IGF1R: variants seen among roughly 807,000 people sequenced by gnomAD.
IGF1R encodes the protein insulin-like growth factor 1 receptor.
Under a neutral mutation model 144.6 loss-of-function variants are expected in IGF1R, and 44 were observed. The ratio of observed to expected loss-of-function variants is 0.30; its 90% CI spans 0.24 to 0.39. The LOEUF (loss-of-function observed/expected upper bound fraction) is 0.39, where lower values mean the gene tolerates loss of function less well. IGF1R is among the 10% of genes least tolerant of loss of function. The probability of loss-of-function intolerance (pLI) is 1.00; values close to 1 mark genes in which losing one functional copy is unlikely to be tolerated. For missense variants in IGF1R, 1,355 were observed against 1,833.7 expected, an observed-to-expected ratio of 0.74 and a Z score of 4.77; for synonymous variants, 795 against 722.8, an observed-to-expected ratio of 1.10 and a Z score of -1.60.
At position 98,963,425 on chromosome 15, in the gene IGF1R, A is replaced by C. The variant is rs535442746; in HGVS notation, c.*5983A>C. ...GAACCCTCTGGTTGGGAAGGGGATC[A>C]TTTTTTACTGGTCATTTCCCTTTGG... On this transcript the variant is annotated 3_prime_UTR_variant, in exon 21 of 21. Coordinates refer to ENST00000650285, the MANE Select transcript of IGF1R (RefSeq NM_000875.5). 4.3e-6 allele frequency: 1 copy of C among 233,226 alleles called. No individual in the cohort carries two copies. The highest frequency in any genetic ancestry group is 2.2e-5 in the African/African-American group (1 of 45,434). 14.4% of individuals were successfully genotyped at this position (233,226 alleles called of 1,614,324 possible). A position where few individuals can be genotyped will look rare whatever the true frequency, so the allele number is the denominator to read the frequency against.
At chr15:98,828,156 G>T (rs2056930239) in intron 2 of IGF1R, among the ~76,000 whole-genome samples, 1 of 152,204 alleles carries the variant, frequency 6.6e-6, no homozygotes, top group Non-Finnish European at 1.5e-5. Flanking sequence ...GAACAAGACT[G>T]CCCAGTTTGC....
intron 9 of IGF1R, chr15:98,916,372 A>AT (rs751309226): frequency 2.3e-5 from 13 of 556,214 alleles, no homozygotes; most frequent in Middle Eastern, 9.6e-4. Flanking sequence ...AGCATTTCTC[A>AT]TTCCCCAGCA....
intron 2 of IGF1R, among the ~76,000 whole-genome samples, chr15:98,888,354 C>G (rs2013739649): frequency 6.6e-6 from 1 of 151,862 alleles, no homozygotes; most frequent in African/African-American, 2.4e-5. Context: ...TTCTTTAGAT[C>G]TTGGACCTTG....
chr15:98,806,582 GTGTTAC>G (rs2056477099), intron 2 of IGF1R, among the ~76,000 whole-genome samples: 4 of 152,140 alleles, frequency 2.6e-5, no homozygotes, highest in Non-Finnish European at 5.9e-5. Context: ...TTTCTAATAG[GTGTTAC>G]CAGGACGCCT....
intron 2 of IGF1R, among the ~76,000 whole-genome samples, chr15:98,809,949 G>C (rs1384201238): frequency 6.6e-6 from 1 of 152,204 alleles, no homozygotes; most frequent in Non-Finnish European, 1.5e-5. Flanking sequence ...ACGGGGTTTG[G>C]CATGAGCTCA....
chr15:98,778,136 G>A (rs1184245436), intron 2 of IGF1R, among the ~76,000 whole-genome samples: 3 of 152,190 alleles, frequency 2.0e-5, no homozygotes, highest in African/African-American at 7.2e-5. Context: ...ACATGAGAGA[G>A]TGTTGGTGGA....
chr15:98,911,880 C>T lies in IGF1R; in HGVS notation c.1589+439C>T, dbSNP rs550517031. 2.0e-5 allele frequency among the ~76,000 whole-genome samples: 3 copies of T among 152,292 alleles called. No individual in the cohort carries two copies. In the South Asian group the frequency reaches 6.2e-4, roughly 32 times the overall value. On this transcript the variant is annotated intron_variant, in intron 7 of 20. Coordinates refer to ENST00000650285, the MANE Select transcript of IGF1R (RefSeq NM_000875.5). ...TTTGTATCATCTTATTCCTGTCTCT[C>T]TCTCTGTGTGCCTCTCCCAAGCTGT...
intron 20 of IGF1R, among the ~76,000 whole-genome samples, chr15:98,952,449 G>T (rs1324922642): frequency 6.6e-6 from 1 of 152,142 alleles, no homozygotes; most frequent in Non-Finnish European, 1.5e-5. Flanking sequence ...GGAGTAAGAG[G>T]TCTGATGACC....
chr15:98,939,243 C>A lies in IGF1R; in HGVS notation c.3340C>A (p.Gln1114Lys). ...LAPPSLSKMI[Q>K]MAGEIADGMA... is the part of the protein sequence containing the mutation. The stretch of plus-strand genomic sequence containing the variant: ...ACCTCCAAGCCTGAGCAAGATGATT[C>A]AGATGGCCGGAGAGATTGCAGACGG... The change falls in exon 18 of 21, where the codon CAG (glutamine) becomes AAG (lysine). Residue 1114 changes from glutamine (Q) to lysine (K), a missense_variant. By Grantham distance (53) the Gln-to-Lys change is moderately conservative. This residue lies in a region of IGF1R where 45 missense variants were observed against 43.5 expected (regional missense o/e 1.03). Transcript: ENST00000650285. 2.5e-6 allele frequency: 4 copies of A among 1,613,920 alleles called. 1 individual carries two copies. The South Asian group carries it at 4.4e-5, about 18-fold the overall frequency.
intron 19 of IGF1R, among the ~76,000 whole-genome samples, chr15:98,943,713 G>A (rs549537338): frequency 6.8e-4 from 104 of 152,358 alleles, no homozygotes; most frequent in Middle Eastern, 3.4e-3. Context: ...TACAACTGAG[G>A]TTATTGGCAG....
chr15:98,922,347 A>T lies in IGF1R; in HGVS notation c.2401A>T (p.Ile801Phe), dbSNP rs750036855. 6.2e-7 allele frequency: 1 copy of T among 1,614,220 alleles called. No homozygotes were observed. The highest frequency in any genetic ancestry group is 1.1e-5 in the South Asian group (1 of 91,090). The change falls in exon 11 of 21, where the codon ATC becomes TTC. Residue 801 changes from isoleucine to phenylalanine, a missense_variant. Around this residue, in one of 7 missense-constraint regions of IGF1R, gnomAD observed 880 missense variants for 1,202.7 expected, o/e 0.73. Coordinates refer to ENST00000650285, the MANE Select transcript of IGF1R (RefSeq NM_000875.5). ...SNLRPFTLYR[I>F]DIHSCNHEAE... ...CCTTCGGCCTTTCACATTGTACCGC[A>T]TCGATATCCACAGCTGCAACCACGA...
chr15:98,667,425 ATC>A (rs2141189157), intron 1 of IGF1R, among the ~76,000 whole-genome samples: 1 of 152,310 alleles, frequency 6.6e-6, no homozygotes, highest in African/African-American at 2.4e-5. Context: ...GCAGGCAAGA[ATC>A]TGAGCATCCT....
chr15:98,906,314 C>T (rs951083186), intron 5 of IGF1R, among the ~76,000 whole-genome samples: 1 of 152,130 alleles, frequency 6.6e-6, no homozygotes, highest in Non-Finnish European at 1.5e-5. Flanking sequence ...GAAGTTTGGC[C>T]TGATTAATTG....
intron 5 of IGF1R, 119 bp downstream of exon 5, chr15:98,899,740 C>A: frequency 2.0e-6 from 2 of 986,674 alleles, no homozygotes; most frequent in Non-Finnish European, 3.2e-6. Flanking sequence ...AAGGAGGAAG[C>A]CGCAGTATTG....
At chr15:98,817,700 G>T (rs61162212) in intron 2 of IGF1R, among the ~76,000 whole-genome samples, 1 of 152,298 alleles carries the variant, frequency 6.6e-6, no homozygotes, top group East Asian at 1.9e-4. Flanking sequence ...AATTACTGTA[G>T]CCTGGGTGGC....
At chr15:98,955,715 G>A (rs1265709455) in intron 20 of IGF1R, among the ~76,000 whole-genome samples, 1 of 152,242 alleles carries the variant, frequency 6.6e-6, no homozygotes, top group Non-Finnish European at 1.5e-5. Flanking sequence ...CAGCTTCCAG[G>A]CCCAGTGGCT....
At position 98,847,316 on chromosome 15, in the gene IGF1R, A is replaced by C. The variant is rs76303136; in HGVS notation, c.641-44009A>C. On this transcript the variant is annotated intron_variant, in intron 2 of 20. Transcript: ENST00000650285. ...CTTTACAGGGGGGCGTCTTGGTATA[A>C]GTATGGAAAGCTCCGTAGATGCCGT... 6.4e-4 allele frequency among the ~76,000 whole-genome samples: 97 copies of C among 152,290 alleles called. No homozygotes were observed. The East Asian group carries it at 0.017, about 27-fold the overall frequency.
At chr15:98,703,838 C>T (rs1425994495) in intron 1 of IGF1R, among the ~76,000 whole-genome samples, 4 of 152,222 alleles carry the variant, frequency 2.6e-5, no homozygotes, top group African/African-American at 9.6e-5. Flanking sequence ...TCACTAGGTA[C>T]TGAATTTTGT....
intron 5 of IGF1R, among the ~76,000 whole-genome samples, chr15:98,905,857 C>G (rs148591073): frequency 5.6e-4 from 85 of 152,340 alleles, no homozygotes; most frequent in African/African-American, 1.9e-3. Flanking sequence ...TTTACCTTCT[C>G]TTAATTCTCA....
Sources: gnomAD v4.1 joint callset for allele counts (sites outside exome capture counted in the v4.1 genomes callset) on GRCh38, gnomAD v4.1.1 for gene constraint, gnomAD v4.1.1 regional missense constraint, MANE v1.5 for transcripts, NCBI Gene and HGNC (gene_info 2026-07-23, HGNC 2026-07-21) for gene names.